KIAA1217: variants seen among roughly 807,000 people sequenced by gnomAD.
The protein encoded by KIAA1217 is sickle tail protein homolog.
In KIAA1217, 88 loss-of-function variants were observed where a neutral mutation model predicts 163.9. The ratio of observed to expected loss-of-function variants is 0.54; its 90% CI spans 0.45 to 0.64. The LOEUF (loss-of-function observed/expected upper bound fraction) is 0.64, where lower values mean the gene tolerates loss of function less well. KIAA1217 is among the 30% of genes least tolerant of loss of function. KIAA1217 has a pLI of 0.00. For missense variants in KIAA1217, 2,372 were observed against 2,475.0 expected (o/e 0.96, Z 0.88); for synonymous variants, 903 against 923.1 (o/e 0.98, Z 0.39).
At chr10:23,952,069 G>A (rs1450147284) in intron 1 of KIAA1217, among the ~76,000 whole-genome samples, 1 of 152,138 alleles carries the variant, frequency 6.6e-6, no homozygotes, top group Non-Finnish European at 1.5e-5. Flanking sequence ...CTGGGGAACG[G>A]CTTACATATG....
intron 2 of KIAA1217, among the ~76,000 whole-genome samples, chr10:24,056,893 A>G (rs1248034537): frequency 6.6e-6 from 1 of 152,232 alleles, no homozygotes; most frequent in Middle Eastern, 3.2e-3. Context: ...TAGAAATGAA[A>G]AATGTAATAA....
At chr10:24,340,224 C>T (rs1027791568) in intron 2 of KIAA1217, among the ~76,000 whole-genome samples, 3 of 152,114 alleles carry the variant, frequency 2.0e-5, no homozygotes, top group Non-Finnish European at 4.4e-5. Flanking sequence ...TGTCCCCACC[C>T]AAATCTCATT....
intron 1 of KIAA1217, among the ~76,000 whole-genome samples, chr10:23,950,040 T>C (rs960572699): frequency 5.9e-5 from 9 of 152,136 alleles, no homozygotes; most frequent in Admixed American, 4.6e-4. Context: ...ATGAGAAGCA[T>C]TGGGAAATTG....
chr10:24,282,260 T>C (rs1418569341), intron 2 of KIAA1217, among the ~76,000 whole-genome samples: 1 of 152,022 alleles, frequency 6.6e-6, no homozygotes, highest in Non-Finnish European at 1.5e-5. Flanking sequence ...GCTATAAATA[T>C]TAGCTTTCAT....
intron 1 of KIAA1217, among the ~76,000 whole-genome samples, chr10:23,968,021 T>C (rs1484041281): frequency 6.6e-6 from 1 of 151,914 alleles, no homozygotes; most frequent in Non-Finnish European, 1.5e-5. Flanking sequence ...TAGGTATACA[T>C]GTGCCATGGT....
intron 2 of KIAA1217, among the ~76,000 whole-genome samples, chr10:24,134,127 G>A (rs2063752029): frequency 1.3e-5 from 2 of 152,194 alleles, no homozygotes; most frequent in South Asian, 4.1e-4. Context: ...TAGAGTACAA[G>A]GGTGTTTAAG....
chr10:23,819,795 C>T (rs2131009308), intron 1 of KIAA1217, among the ~76,000 whole-genome samples: 1 of 152,214 alleles, frequency 6.6e-6, no homozygotes, highest in Admixed American at 6.5e-5. Context: ...TATATGGAGC[C>T]TTGGGAGAAA....
chr10:24,094,117 G>A (rs2131694643), intron 2 of KIAA1217, among the ~76,000 whole-genome samples: 1 of 152,180 alleles, frequency 6.6e-6, no homozygotes, highest in African/African-American at 2.4e-5. Context: ...ACATACGTGT[G>A]CATGTGTCTT....
intron 1 of KIAA1217, among the ~76,000 whole-genome samples, chr10:23,765,892 A>G (rs1002863769): frequency 3.3e-5 from 5 of 152,198 alleles, no homozygotes; most frequent in Non-Finnish European, 7.3e-5. Context: ...CATCCATTAA[A>G]CATCAGAATA....
At chr10:24,103,147 C>T (rs375829647) in intron 2 of KIAA1217, among the ~76,000 whole-genome samples, 11 of 152,202 alleles carry the variant, frequency 7.2e-5, no homozygotes, top group South Asian at 4.1e-4. Flanking sequence ...TGTGTGAGAA[C>T]AGACTCATAC....
intron 1 of KIAA1217, among the ~76,000 whole-genome samples, chr10:23,828,374 G>A (rs1391985750): frequency 6.6e-6 from 1 of 152,088 alleles, no homozygotes; most frequent in Non-Finnish European, 1.5e-5. Context: ...GCTCTAGAAG[G>A]AGGCAGAGTC....
At chr10:23,798,365 A>G (rs1172474555) in intron 1 of KIAA1217, among the ~76,000 whole-genome samples, 1 of 152,216 alleles carries the variant, frequency 6.6e-6, no homozygotes, top group African/African-American at 2.4e-5. Context: ...GGAAGCAGAA[A>G]GGACCATGTA....
intron 2 of KIAA1217, among the ~76,000 whole-genome samples, chr10:24,250,710 C>A (rs76239199): frequency 1 from 88,822 of 88,832 alleles, 44,406 homozygotes; most frequent in Middle Eastern, 1. Context: ...CTCGGCCTCA[C>A]AAAGTGCTGG....
chr10:24,163,027 G>A (rs1294559749), intron 2 of KIAA1217, among the ~76,000 whole-genome samples: 1 of 152,144 alleles, frequency 6.6e-6, no homozygotes, highest in Non-Finnish European at 1.5e-5. Context: ...AATCACTTCT[G>A]TTATATTCTA....
intron 1 of KIAA1217, among the ~76,000 whole-genome samples, chr10:23,965,017 TC>T (rs1246703746): frequency 2.0e-5 from 3 of 152,032 alleles, no homozygotes; most frequent in Non-Finnish European, 4.4e-5. Context: ...CTTTACCCCG[TC>T]CCCCAGCTGC....
At chr10:24,312,740 ACC>A (rs2042868256) in intron 2 of KIAA1217, among the ~76,000 whole-genome samples, 1 of 151,932 alleles carries the variant, frequency 6.6e-6, no homozygotes, top group Admixed American at 6.6e-5. Context: ...ATATAGTGGG[ACC>A]CCATCTCTAC....
chr10:23,910,108 G>A (rs113592103), intron 1 of KIAA1217, among the ~76,000 whole-genome samples: 2,206 of 152,008 alleles, frequency 0.015, 47 homozygotes, highest in African/African-American at 0.05. Context: ...ATGAGAACAC[G>A]TGGACACAGG....
intron 1 of KIAA1217, among the ~76,000 whole-genome samples, chr10:23,990,083 T>C (rs11817927): frequency 0.2 from 30,900 of 152,160 alleles, 3,394 homozygotes; most frequent in Middle Eastern, 0.28. Flanking sequence ...CTGTGTCCCC[T>C]TTTTTATGGT....
intron 5 of KIAA1217, among the ~76,000 whole-genome samples, chr10:24,440,444 C>T (rs2060398938): frequency 6.6e-6 from 1 of 152,194 alleles, no homozygotes; most frequent in Admixed American, 6.5e-5. Context: ...AGAGCCATTT[C>T]CACACCGGTG....
Sources: allele counts gnomAD v4.1 joint callset (sites outside exome capture counted in the v4.1 genomes callset), GRCh38; gene constraint gnomAD v4.1.1; transcripts MANE v1.5; gene names NCBI Gene and HGNC (gene_info 2026-07-23, HGNC 2026-07-21).